NUP214: variants seen among roughly 807,000 people sequenced by gnomAD.
NUP214 encodes the protein nucleoporin 214.
In NUP214, 79 loss-of-function variants were observed where a neutral mutation model predicts 196.2. The observed-to-expected ratio is 0.40, with a 90% confidence interval of 0.34 to 0.49. NUP214 has a LOEUF of 0.49. Among genes scored for constraint, NUP214 ranks in the 20% least tolerant of loss-of-function variants. The pLI is 0.58. For missense variants in NUP214, 2,468 were observed against 2,539.0 expected, an observed-to-expected ratio of 0.97 and a Z score of 0.60; for synonymous variants, 1,020 against 990.5, an observed-to-expected ratio of 1.03 and a Z score of -0.56.
chr9:131,211,334 G>T (rs1834235562), intron 30 of NUP214, among the ~76,000 whole-genome samples: 1 of 152,144 alleles, frequency 6.6e-6, no homozygotes. Flanking sequence ...TTGTTTTCTT[G>T]AATTAGGACC....
In NUP214 at chr9:131,215,373, G is replaced by A; in HGVS notation, c.5749+5G>A. The A allele has an allele frequency of 1.3e-6, 2 of 1,584,376 alleles. No individual in the cohort carries two copies. Among genetic ancestry groups the A allele is most frequent in the Non-Finnish European group, 1.7e-6 (2 of 1,166,438 alleles). Reference sequence around the variant, plus strand: ...TTGGATCCACAGCTACCTCAAGTAAGTTGAGAAGACTTTTCCCAGTCCCTT... The same window carrying A: ...TTGGATCCACAGCTACCTCAAGTAAATTGAGAAGACTTTTCCCAGTCCCTT... On this transcript the variant is annotated splice_donor_5th_base_variant and intron_variant, in intron 31 of 35. Coordinates refer to ENST00000359428, the MANE Select transcript of NUP214 (RefSeq NM_005085.4).
chr9:131,229,772 A>T (rs1247434842), intron 33 of NUP214: 1 of 518,870 alleles, frequency 1.9e-6, no homozygotes, highest in Admixed American at 1.9e-5. Flanking sequence ...GTCCAATGAG[A>T]GCAGATCCCT....
chr9:131,222,181 C>T (rs1212706370), intron 31 of NUP214, among the ~76,000 whole-genome samples: 4 of 152,220 alleles, frequency 2.6e-5, no homozygotes, highest in Non-Finnish European at 5.9e-5. Context: ...CCTATATCCC[C>T]TTGGATCAAA....
rs991158994 is a variant in NUP214, at chr9:131,174,661, CCAGGCTGGTCTCAAACTCCTGACCT to C, written c.3157+348_3157+372del. 1.9e-4 allele frequency among the ~76,000 whole-genome samples: 29 copies of C among 151,966 alleles called. No individual in the cohort carries two copies. The East Asian group carries it at 2.7e-3, about 14-fold the overall frequency. On this transcript the variant is annotated intron_variant, in intron 22 of 35. Transcript: ENST00000359428. ...ACGGGGTTTCACCATGTTGTGTTGG[CCAGGCTGGTCTCAAACTCCTGACCT>C]CAGGTGATCCACCTGCCTTGGCCTC...
chr9:131,128,017 G>A (rs577923789), intron 2 of NUP214, among the ~76,000 whole-genome samples: 5 of 152,230 alleles, frequency 3.3e-5, no homozygotes, highest in South Asian at 2.1e-4. Context: ...TTATTGGCAT[G>A]GGTTTTCAGT....
Position 131,140,637 on chromosome 9 carries a change from T to C in NUP214, c.1221T>C (p.Asn407=). 1 of 1,614,082 alleles carries C rather than the reference T, an allele frequency of 6.2e-7. No individual in the cohort carries two copies. Among genetic ancestry groups the C allele is most frequent in the Non-Finnish European group, 8.5e-7 (1 of 1,179,974 alleles). ...VLCPFYMINQ[N]PGVKSLIKTP... ...GTCCATTTTATATGATTAATCAAAA[T>C]CCTGGGGTTAAGTCTCTCATCAAAA... The change falls in exon 11 of 36, where the codon AAT becomes AAC. Residue 407 remains asparagine, a synonymous_variant. Coordinates refer to ENST00000359428, the MANE Select transcript of NUP214 (RefSeq NM_005085.4).
intron 12 of NUP214, among the ~76,000 whole-genome samples, chr9:131,145,647 G>A (rs376286005): frequency 2.0e-5 from 3 of 152,166 alleles, no homozygotes; most frequent in Non-Finnish European, 2.9e-5. Context: ...AGGTGGAACC[G>A]ACTTTACATT....
chr9:131,183,061 A>G (rs1833332656), intron 24 of NUP214, among the ~76,000 whole-genome samples: 2 of 152,176 alleles, frequency 1.3e-5, no homozygotes, highest in African/African-American at 2.4e-5. Context: ...CTCATGATAC[A>G]TTGTTATAAA....
chr9:131,176,950 C>A (rs1031841461), intron 23 of NUP214, among the ~76,000 whole-genome samples: 2 of 152,032 alleles, frequency 1.3e-5, no homozygotes, highest in African/African-American at 4.8e-5. Context: ...AAAAAAAAAT[C>A]TTTAAAATGC....
At chr9:131,126,046 G>C in intron 1 of NUP214, 1 of 437,848 alleles carries the variant, frequency 2.3e-6, no homozygotes, top group East Asian at 4.4e-5. Context: ...GCCAGGCACT[G>C]TGGTAGTCAT....
At chr9:131,131,526 G>A (rs1831544454) in intron 5 of NUP214, among the ~76,000 whole-genome samples, 1 of 152,126 alleles carries the variant, frequency 6.6e-6, no homozygotes, top group Non-Finnish European at 1.5e-5. Flanking sequence ...GGTGAATGTA[G>A]GTGGTATAGG....
intron 17 of NUP214, among the ~76,000 whole-genome samples, chr9:131,156,708 T>C (rs562479560): frequency 1.3e-5 from 2 of 152,260 alleles, no homozygotes; most frequent in South Asian, 4.1e-4. Context: ...AATTCGTTTA[T>C]CAGATCTAGG....
chr9:131,132,535 T>A, intron 5 of NUP214, 61 bp from the exon 6 acceptor site: 1 of 1,409,922 alleles, frequency 7.1e-7, no homozygotes. Context: ...GATTTGACAG[T>A]TTGATTGGTT....
At chr9:131,128,602 T>G in intron 3 of NUP214, 119 bp downstream of exon 3, 1 of 826,640 alleles carries the variant, frequency 1.2e-6, no homozygotes, top group South Asian at 2.6e-5. Flanking sequence ...GATTAAAATA[T>G]GGGTTAAAAA....
At position 131,170,304 on chromosome 9, in the gene NUP214, C is replaced by T. The variant is rs532285517; in HGVS notation, c.2894-3751C>T. Among the ~76,000 whole-genome samples the T allele has an allele frequency of 3.0e-4, 45 of 152,198 alleles. No homozygotes were observed. The South Asian group carries it at 8.1e-3, about 27-fold the overall frequency. ...AGCTTGGGCAACAAGAGCGAAACTC[C>T]GTCTTTAAAAAAAGAAAGTTTTGGG... On this transcript the variant is annotated intron_variant, in intron 21 of 35. Coordinates refer to ENST00000359428, the MANE Select transcript of NUP214 (RefSeq NM_005085.4).
At chr9:131,163,749 A>G in intron 19 of NUP214, 121 bp from the exon 20 acceptor site, 2 of 717,262 alleles carry the variant, frequency 2.8e-6, no homozygotes, top group Non-Finnish European at 4.9e-6. Flanking sequence ...GTCAGATGGC[A>G]TGTTTATATA....
chr9:131,230,124 C>T (rs1834836361), intron 33 of NUP214: 1 of 198,550 alleles, frequency 5.0e-6, no homozygotes, highest in South Asian at 7.1e-5. Context: ...AAAATAGTGG[C>T]CACTTTTACA....
At chr9:131,132,550 A>T (rs755670339) in intron 5 of NUP214, 46 bp from the exon 6 acceptor site, 1 of 1,518,148 alleles carries the variant, frequency 6.6e-7, no homozygotes, top group Non-Finnish European at 9.1e-7. Context: ...TTGGTTTAGG[A>T]TTTGTTTCAT....
chr9:131,139,180 C>T, intron 9 of NUP214, 101 bp from the exon 10 acceptor site: 1 of 1,264,670 alleles, frequency 7.9e-7, no homozygotes, highest in Non-Finnish European at 1.0e-6. Flanking sequence ...CTCTGTTCTC[C>T]TATTTGAACA....
Sources: allele counts gnomAD v4.1 joint callset (sites outside exome capture counted in the v4.1 genomes callset), GRCh38; gene constraint gnomAD v4.1.1; transcripts MANE v1.5; gene names NCBI Gene and HGNC (gene_info 2026-07-23, HGNC 2026-07-21).